The following CDKAL1 variants were observed in gnomAD, a reference collection of about 807,000 sequenced individuals.
CDKAL1 encodes the protein CDKAL1 threonylcarbamoyladenosine tRNA methylthiotransferase, also known as threonylcarbamoyladenosine tRNA methylthiotransferase.
CDKAL1 carries 32 observed loss-of-function variants against 68.2 expected under a neutral mutation model. The observed-to-expected ratio is 0.47, with a 90% confidence interval of 0.35 to 0.63. The LOEUF (loss-of-function observed/expected upper bound fraction) is 0.63. Ranked by LOEUF, CDKAL1 falls within the 30% of genes least tolerant of loss-of-function variation. The pLI is 0.00. For missense variants in CDKAL1, 606 were observed against 696.7 expected (o/e 0.87, Z 1.47); for synonymous variants, 234 against 244.3 (o/e 0.96, Z 0.39).
intron 8 of CDKAL1, among the ~76,000 whole-genome samples, chr6:20,799,041 T>TTTTTTTG: frequency 3.1e-5 from 1 of 32,668 alleles, no homozygotes. Flanking sequence ...AAGAACTGAG[T>TTTTTTTG]TTTTTTTTTT....
intron 9 of CDKAL1, among the ~76,000 whole-genome samples, chr6:20,876,029 T>G (rs1201302583): frequency 2.6e-5 from 4 of 152,232 alleles, no homozygotes; most frequent in African/African-American, 7.2e-5. Context: ...AACTTACATG[T>G]TAAAATAATT....
intron 8 of CDKAL1, among the ~76,000 whole-genome samples, chr6:20,819,686 CT>C (rs1447509566): frequency 1.3e-5 from 2 of 152,000 alleles, no homozygotes; most frequent in Non-Finnish European, 2.9e-5. Flanking sequence ...AAATGGGGTG[CT>C]TTTCTATACT....
intron 9 of CDKAL1, among the ~76,000 whole-genome samples, chr6:20,931,040 G>C (rs1763428579): frequency 1.3e-5 from 2 of 152,164 alleles, no homozygotes. Flanking sequence ...ACCGCGCCCG[G>C]CTGCGTATCT....
intron 13 of CDKAL1, among the ~76,000 whole-genome samples, chr6:21,113,324 G>T (rs186506050): frequency 1.7e-3 from 254 of 152,214 alleles, no homozygotes; most frequent in African/African-American, 4.8e-3. Context: ...TAGGGTAAAT[G>T]AAGTATTACT....
chr6:21,204,449 A>T (rs1358648021), intron 15 of CDKAL1, among the ~76,000 whole-genome samples: 1 of 152,210 alleles, frequency 6.6e-6, no homozygotes, highest in Non-Finnish European at 1.5e-5. Context: ...GATTCCTTTT[A>T]CAAACATAAT....
intron 4 of CDKAL1, among the ~76,000 whole-genome samples, chr6:20,560,045 T>C (rs1426280766): frequency 6.6e-6 from 1 of 152,212 alleles, no homozygotes; most frequent in African/African-American, 2.4e-5. Context: ...TTGGCTCTTT[T>C]TGGCCTTCAA....
At chr6:21,194,316 G>A (rs1343468084) in intron 13 of CDKAL1, among the ~76,000 whole-genome samples, 1 of 152,184 alleles carries the variant, frequency 6.6e-6, no homozygotes, top group Non-Finnish European at 1.5e-5. Flanking sequence ...ATTTTTCACA[G>A]TGATGTAACC....
intron 13 of CDKAL1, among the ~76,000 whole-genome samples, chr6:21,128,412 T>C (rs561896089): frequency 5.1e-4 from 78 of 152,354 alleles, no homozygotes; most frequent in Middle Eastern, 3.4e-3. Flanking sequence ...TTGAGAATCA[T>C]CTGTAATGAA....
chr6:21,228,436 T>C (rs1324820112), intron 15 of CDKAL1, among the ~76,000 whole-genome samples: 5 of 152,220 alleles, frequency 3.3e-5, no homozygotes, highest in Non-Finnish European at 5.9e-5. Context: ...CTCTTAATTC[T>C]GGTCTTATAA....
chr6:20,892,553 G>C (rs1378681914), intron 9 of CDKAL1, among the ~76,000 whole-genome samples: 1 of 152,112 alleles, frequency 6.6e-6, no homozygotes, highest in Non-Finnish European at 1.5e-5. Context: ...ATAAAAGCAT[G>C]AGGATGAATT....
intron 4 of CDKAL1, among the ~76,000 whole-genome samples, chr6:20,637,036 C>CAAAAAA (rs58986368): frequency 4.4e-5 from 5 of 113,258 alleles, no homozygotes; most frequent in Admixed American, 9.0e-5. Context: ...GACTCCGTCT[C>CAAAAAA]AAAAAAAAAA....
intron 5 of CDKAL1, among the ~76,000 whole-genome samples, chr6:20,698,231 G>C (rs1258906408): frequency 6.6e-6 from 1 of 152,110 alleles, no homozygotes; most frequent in Non-Finnish European, 1.5e-5. Flanking sequence ...CAAAATTTTA[G>C]ACAACGTTTT....
At chr6:20,805,957 G>A (rs1776554547) in intron 8 of CDKAL1, among the ~76,000 whole-genome samples, 1 of 152,138 alleles carries the variant, frequency 6.6e-6, no homozygotes, top group African/African-American at 2.4e-5. Flanking sequence ...AAAAAACAAG[G>A]CATATGATTT....
intron 8 of CDKAL1, among the ~76,000 whole-genome samples, chr6:20,835,811 A>G (rs761688246): frequency 6.6e-6 from 1 of 152,036 alleles, no homozygotes; most frequent in Non-Finnish European, 1.5e-5. Context: ...CGGCCTCGCA[A>G]AGTCCTGGGA....
intron 9 of CDKAL1, among the ~76,000 whole-genome samples, chr6:20,852,467 A>G (rs1034613074): frequency 6.6e-6 from 1 of 152,188 alleles, no homozygotes; most frequent in Non-Finnish European, 1.5e-5. Context: ...TCTTCTGTTG[A>G]TTCTTGCAAA....
At chr6:20,953,601 A>G (rs1379640470) in intron 9 of CDKAL1, among the ~76,000 whole-genome samples, 1 of 152,184 alleles carries the variant, frequency 6.6e-6, no homozygotes, top group Non-Finnish European at 1.5e-5. Context: ...AAAAGATTGT[A>G]TGAGTCCAGC....
intron 7 of CDKAL1, among the ~76,000 whole-genome samples, chr6:20,776,627 A>G (rs1280584638): frequency 2.0e-5 from 3 of 152,204 alleles, no homozygotes; most frequent in Non-Finnish European, 4.4e-5. Context: ...TGCTTTTTAA[A>G]AGTTGCATTT....
At chr6:20,953,055 C>T (rs550108644) in intron 9 of CDKAL1, among the ~76,000 whole-genome samples, 1 of 152,316 alleles carries the variant, frequency 6.6e-6, no homozygotes, top group East Asian at 1.9e-4. Context: ...TTTCATTTTG[C>T]TCATGCTCTT....
chr6:20,758,466 C>T, intron 6 of CDKAL1, 129 bp from the exon 7 acceptor site: 1 of 654,756 alleles, frequency 1.5e-6, no homozygotes, highest in South Asian at 2.3e-5. Flanking sequence ...ATAGTGTCTC[C>T]AAATACATTA....
Sources: gnomAD v4.1 joint callset for allele counts (sites outside exome capture counted in the v4.1 genomes callset) on GRCh38, gnomAD v4.1.1 for gene constraint, MANE v1.5 for transcripts, NCBI Gene and HGNC (gene_info 2026-07-23, HGNC 2026-07-21) for gene names.